The following MPP2 variants were observed in gnomAD, a reference collection of about 807,000 sequenced individuals.
MPP2 encodes the protein MAGUK p55 subfamily member 2.
MPP2 carries 42 observed loss-of-function variants against 58.5 expected under a neutral mutation model. The observed-to-expected ratio is 0.72, with a 90% CI of 0.56 to 0.93. MPP2 has a LOEUF of 0.93. MPP2 is among the 40% of genes least tolerant of loss of function. The pLI, the probability that MPP2 is intolerant of heterozygous loss-of-function variation, is 0.00. For synonymous variants in MPP2, 300 were observed against 307.8 expected (o/e 0.97, Z 0.26); for missense variants, 632 against 760.4 (o/e 0.83, Z 1.99).
In MPP2 at chr17:43,895,002, C is replaced by A. The variant is rs574507827; in HGVS notation, c.150+3260G>T. Among the ~76,000 whole-genome samples, 4 of 152,146 alleles carry A rather than the reference C, an allele frequency of 2.6e-5. No individual in the cohort carries two copies. In the South Asian group the frequency reaches 8.3e-4, roughly 32 times the overall value. On this transcript the variant is annotated intron_variant, in intron 3 of 12. Coordinates refer to ENST00000269095, the MANE Select transcript of MPP2 (RefSeq NM_005374.5). ...TAAACACATATGTAGGCAAGATAAG[C>A]CAACATTCAATGAAATGACATCAAT... is the stretch of plus-strand genomic sequence containing the variant.
intron 1 of MPP2, 69 bp from the exon 2 acceptor site, chr17:43,904,562 C>A (rs1252071978): frequency 1.4e-6 from 2 of 1,420,382 alleles, no homozygotes; most frequent in South Asian, 1.2e-5. Context: ...TAGGAAGAGC[C>A]TCCCCTTCAG....
In MPP2 at chr17:43,901,913, C is replaced by T. The variant is rs536860745; in HGVS notation, c.31+2517G>A. Among the ~76,000 whole-genome samples the T allele has an allele frequency of 8.5e-5, 13 of 152,218 alleles. No homozygotes were observed. The South Asian group carries it at 2.3e-3, about 27-fold the overall frequency. Reference sequence around the variant, plus strand: ...AACCATACTGACCCATGGGGAAGGGCGGAAAAAGGATCTTATTAGCTTTGC... The same window carrying T: ...AACCATACTGACCCATGGGGAAGGGTGGAAAAAGGATCTTATTAGCTTTGC... On this transcript the variant is annotated intron_variant, in intron 2 of 12. Transcript: ENST00000269095.
intron 9 of MPP2, 62 bp downstream of exon 9, chr17:43,881,028 G>A: frequency 1.3e-6 from 2 of 1,583,982 alleles, no homozygotes; most frequent in Non-Finnish European, 1.7e-6. Context: ...GGTGATGGGT[G>A]GGGACAGGGA....
rs1567874246 is a variant in MPP2, at chr17:43,879,836, G to A, written c.1299C>T (p.Ser433=). The part of the protein sequence containing the change: ...EGNLYGTRID[S]IRGVVAAGKV... ...TCCCAGCAGCGACCACGCCCCGGAT[G>A]GAGTCAATACGTGTGCCATACAGGT... Residue 433 remains serine (S), a synonymous_variant, in exon 11 of 13, where the codon TCC becomes TCT. Coordinates refer to ENST00000269095, the MANE Select transcript of MPP2 (RefSeq NM_005374.5). The surrounding 1 kb of genome is among the most constrained non-coding windows in gnomAD (Gnocchi z 4.1). 1.2e-6 allele frequency: 2 copies of A among 1,613,990 alleles called. No individual in the cohort carries two copies. Among genetic ancestry groups the A allele is most frequent in the Non-Finnish European group, 1.7e-6 (2 of 1,179,988 alleles).
chr17:43,881,811 C>G (rs74591328), intron 6 of MPP2, among the ~76,000 whole-genome samples: 1 of 152,114 alleles, frequency 6.6e-6, no homozygotes, highest in African/African-American at 2.4e-5. Context: ...TGCGGGACCA[C>G]CAAGTAGGGC....
intron 3 of MPP2, among the ~76,000 whole-genome samples, chr17:43,889,660 T>C (rs1159268246): frequency 1.3e-5 from 2 of 151,130 alleles, no homozygotes; most frequent in African/African-American, 4.9e-5. Context: ...CATGCCCAGC[T>C]GAAAGCACCA....
At chr17:43,882,032 A>T (rs751419326) in intron 6 of MPP2, among the ~76,000 whole-genome samples, 2 of 152,220 alleles carry the variant, frequency 1.3e-5, no homozygotes, top group Admixed American at 6.5e-5. Context: ...ACCATAATGC[A>T]GGCGCTCTCT....
In MPP2 at chr17:43,901,259, G is replaced by A. The variant is rs552391474; in HGVS notation, c.32-2879C>T. The A allele has an allele frequency of 1.8e-5, 18 of 985,448 alleles. No individual in the cohort carries two copies. In the South Asian group the frequency reaches 7.5e-4, roughly 41 times the overall value. The allele number at this position is 985,448 out of a possible 1,614,324, so 61.0% of individuals were successfully genotyped here. On this transcript the variant is annotated intron_variant, in intron 2 of 12. Coordinates refer to ENST00000269095, the MANE Select transcript of MPP2 (RefSeq NM_005374.5). ...GGGGGAGGTGGCATCGCTGTGGGTA[G>A]GGATGGTGCCCCAGCCCTGCTTACC...
intron 2 of MPP2, among the ~76,000 whole-genome samples, chr17:43,902,064 G>A (rs2048115229): frequency 6.6e-6 from 1 of 152,146 alleles, no homozygotes; most frequent in Non-Finnish European, 1.5e-5. Context: ...GATAATAAGG[G>A]GCAGAATCCA....
At chr17:43,890,554 AG>A (rs1227314629) in intron 3 of MPP2, among the ~76,000 whole-genome samples, 1 of 152,200 alleles carries the variant, frequency 6.6e-6, no homozygotes, top group Non-Finnish European at 1.5e-5. Flanking sequence ...GGCAAAAGAC[AG>A]GGAATTCCTA....
rs998632417 is a variant in MPP2, at chr17:43,876,197, T to C, written c.*1610A>G. 4 of 152,588 alleles carry C rather than the reference T, an allele frequency of 2.6e-5. No homozygotes were observed. Among genetic ancestry groups the C allele is most frequent in the Non-Finnish European group, 4.4e-5 (3 of 68,028 alleles). The allele number at this position is 152,588 out of a possible 1,614,324, so 9.5% of individuals were successfully genotyped here. A position where few individuals can be genotyped will look rare whatever the true frequency, so the allele number is the denominator to read the frequency against. Reference sequence around the variant, plus strand: ...ATATTCTGTTTATTCTCCTTCCCCTTCCCTAGGAAATGGGCACACAGTGGT... The same window carrying C: ...ATATTCTGTTTATTCTCCTTCCCCTCCCCTAGGAAATGGGCACACAGTGGT... On this transcript the variant is annotated 3_prime_UTR_variant, in exon 13 of 13. Coordinates refer to ENST00000269095, the MANE Select transcript of MPP2 (RefSeq NM_005374.5).
chr17:43,901,586 A>G lies in MPP2; in HGVS notation c.31+2844T>C, dbSNP rs372215156. 2.5e-4 allele frequency: 251 copies of G among 985,434 alleles called. No homozygotes were observed. In the African/African-American group the frequency reaches 4.0e-3, roughly 16 times the overall value. 61.0% of individuals were successfully genotyped at this position (985,434 alleles called of 1,614,324 possible). A position where few individuals can be genotyped will look rare whatever the true frequency, so the allele number is the denominator to read the frequency against. ...TCGCATTGCACCCCTGGTTGCCATG[A>G]CAGTAGAATTACACACCAGGACAGT... On this transcript the variant is annotated intron_variant, in intron 2 of 12. Transcript: ENST00000269095.
At chr17:43,900,501 A>C (rs1254045809) in intron 2 of MPP2, 1 of 1,547,806 alleles carries the variant, frequency 6.5e-7, no homozygotes, top group South Asian at 1.2e-5. Context: ...TCCTCAGAAG[A>C]CTCCAGGGAT....
At chr17:43,883,145 A>G in intron 4 of MPP2, 58 bp downstream of exon 4, 1 of 1,557,540 alleles carries the variant, frequency 6.4e-7, no homozygotes, top group South Asian at 1.2e-5. Flanking sequence ...ATCCAACAGC[A>G]GCATGCCCCA....
intron 3 of MPP2, among the ~76,000 whole-genome samples, chr17:43,884,411 G>T (rs2143595660): frequency 6.6e-6 from 1 of 152,152 alleles, no homozygotes; most frequent in Middle Eastern, 3.4e-3. Flanking sequence ...GTAGGGACAG[G>T]GTCTCACTAC....
upstream of MPP2, among the ~76,000 whole-genome samples, chr17:43,908,600 G>T (rs753070482): frequency 4.6e-5 from 7 of 152,164 alleles, no homozygotes; most frequent in Non-Finnish European, 1.0e-4. Context: ...AATTAGCTGG[G>T]CGTGGTAGCG....
At chr17:43,901,168 A>T (rs1054097941) in intron 2 of MPP2, 13 of 770,670 alleles carry the variant, frequency 1.7e-5, no homozygotes, top group African/African-American at 1.9e-5. Flanking sequence ...GCATGGGGCA[A>T]ATACCTCAAG....
At chr17:43,881,379 T>C (rs1270126137) in intron 7 of MPP2, 30 bp from the exon 8 acceptor site, 1 of 1,614,036 alleles carries the variant, frequency 6.2e-7, no homozygotes, top group East Asian at 2.2e-5. Context: ...AAGATCTGCC[T>C]GAGCAAGAGG....
At position 43,882,485 on chromosome 17, in the gene MPP2, G is replaced by C; in HGVS notation, c.480C>G (p.Gly160=). Residue 160 remains glycine (G), a synonymous_variant, in exon 6 of 13, where the codon GGC becomes GGG. Coordinates refer to ENST00000269095, the MANE Select transcript of MPP2 (RefSeq NM_005374.5). ...HLGVTFRVEG[G]ELVIARILHG... is the part of the protein sequence containing the mutation. ...GCAGAATGCGCGCGATCACCAGCTC[G>C]CCGCCCTCCACGCGGAACGTTACAC... The C allele has an allele frequency of 1.2e-6, 2 of 1,605,166 alleles. No homozygotes were observed. The highest frequency in any genetic ancestry group is 2.2e-5 in the South Asian group (2 of 91,056).
Sources: allele counts gnomAD v4.1 joint callset (sites outside exome capture counted in the v4.1 genomes callset), GRCh38; gene constraint gnomAD v4.1.1; non-coding constraint Gnocchi (gnomAD v3.1); transcripts MANE v1.5; gene names NCBI Gene and HGNC (gene_info 2026-07-23, HGNC 2026-07-21).